Variants in METTL8 observed in about 807,000 individuals in gnomAD.
METTL8 encodes the protein methyltransferase 8, tRNA N3-cytidine, also known as tRNA N(3)-cytidine methyltransferase METTL8, mitochondrial.
In METTL8, 32 loss-of-function variants were observed where a neutral mutation model predicts 48.7. The observed-to-expected ratio is 0.66, with a 90% CI of 0.50 to 0.88. The LOEUF is 0.88. METTL8 is among the 40% of genes least tolerant of loss of function. The pLI is 0.00. For missense variants in METTL8, 464 were observed against 474.4 expected (o/e 0.98, Z 0.20); for synonymous variants, 136 against 157.1 (o/e 0.87, Z 1.01).
intron 1 of METTL8, among the ~76,000 whole-genome samples, chr2:171,405,673 A>C (rs1217427435): frequency 1.3e-5 from 2 of 152,160 alleles, no homozygotes; most frequent in Non-Finnish European, 1.5e-5. Flanking sequence ...CACACACACA[A>C]AGACTGAAGA....
chr2:171,381,613 G>T (rs1171129709), intron 2 of METTL8, among the ~76,000 whole-genome samples: 1 of 151,980 alleles, frequency 6.6e-6, no homozygotes, highest in Non-Finnish European at 1.5e-5. Flanking sequence ...CTTCTCAAAA[G>T]AAGACATTTA....
intron 1 of METTL8, among the ~76,000 whole-genome samples, chr2:171,405,024 G>A (rs1201455751): frequency 1.3e-5 from 2 of 152,172 alleles, no homozygotes; most frequent in African/African-American, 4.8e-5. Flanking sequence ...AAGGTTTCTG[G>A]CTTGCATGGC....
chr2:171,381,262 G>A (rs1231949895), intron 2 of METTL8, among the ~76,000 whole-genome samples: 2 of 152,162 alleles, frequency 1.3e-5, no homozygotes, highest in African/African-American at 4.8e-5. Flanking sequence ...AGCTCAAGGT[G>A]GATTTAAGAC....
chr2:171,337,496 A>T lies in METTL8; in HGVS notation c.613T>A (p.Cys205Ser). The T allele has an allele frequency of 6.2e-7, 1 of 1,605,330 alleles. No homozygotes were observed. The highest frequency in any genetic ancestry group is 8.5e-7 in the Non-Finnish European group (1 of 1,175,742). ...GGAAACACACTATTTCCAGCTCCAC[A>T]ACCAACCTAAAATCAAAAGAACAAG... Reference protein sequence around the residue: ...NATFRILEVGCGAGNSVFPIL... With the variant: ...NATFRILEVGSGAGNSVFPIL... Residue 205 changes from cysteine to serine, a missense_variant, in exon 5 of 10, where the codon TGT (cysteine) becomes AGT (serine). Physicochemically the swap from Cys to Ser is moderately radical, Grantham distance 112. Coordinates refer to ENST00000375258, the MANE Select transcript of METTL8 (RefSeq NM_001321154.2).
intron 5 of METTL8, among the ~76,000 whole-genome samples, chr2:171,333,762 G>A (rs1394701590): frequency 6.6e-6 from 1 of 152,152 alleles, no homozygotes; most frequent in African/African-American, 2.4e-5. Context: ...AGGGGCTTTG[G>A]AACAAGACTG....
Position 171,326,136 on chromosome 2 carries a change from A to G in METTL8, c.873T>C (p.Val291=). 1 of 1,530,078 alleles carries G rather than the reference A, an allele frequency of 6.5e-7. No individual in the cohort carries two copies. The allele number at this position is 1,530,078 out of a possible 1,614,324, so 94.8% of individuals were successfully genotyped here. A position where few individuals can be genotyped will look rare whatever the true frequency, so the allele number is the denominator to read the frequency against. The change falls in exon 8 of 10, where the codon GTT becomes GTC. Residue 291 remains valine, a synonymous_variant. Coordinates refer to ENST00000375258, the MANE Select transcript of METTL8 (RefSeq NM_001321154.2). ...SSIHPDRMQG[V]VNRLSKLLKP... is the part of the protein sequence containing the mutation. ...TCAGTAACTTGGACAGTCGGTTTACAACACCTTGCATCCTTTGGAAACAAA... is the reference window on the plus strand; with the variant it reads ...TCAGTAACTTGGACAGTCGGTTTACGACACCTTGCATCCTTTGGAAACAAA...
At chr2:171,389,161 A>C (rs1018992362) in intron 2 of METTL8, among the ~76,000 whole-genome samples, 8 of 152,198 alleles carry the variant, frequency 5.3e-5, no homozygotes, top group African/African-American at 1.7e-4. Context: ...GATAGGACAA[A>C]ACCTAGGCCT....
At chr2:171,365,955 G>A (rs1333123587) in intron 2 of METTL8, among the ~76,000 whole-genome samples, 2 of 152,220 alleles carry the variant, frequency 1.3e-5, no homozygotes, top group African/African-American at 4.8e-5. Flanking sequence ...CTGAGTGGCA[G>A]TTTCATGAGT....
In METTL8 at chr2:171,360,502, T is replaced by C. The variant is rs765214248; in HGVS notation, c.155A>G (p.Gln52Arg). 5.0e-6 allele frequency: 8 copies of C among 1,613,376 alleles called. 1 individual carries two copies. In the African/African-American group the frequency reaches 8.0e-5, roughly 16 times the overall value. ...VFEHNMWDHMQWSKEEEAAAR... is the reference protein window; with the variant it reads ...VFEHNMWDHMRWSKEEEAAAR... ...TGCTGCTTCTTCTTCCTTAGACCACTGCATGTGATCCCTATTAAAAAAAAA... is the reference window on the plus strand; with the variant it reads ...TGCTGCTTCTTCTTCCTTAGACCACCGCATGTGATCCCTATTAAAAAAAAA... The change falls in exon 3 of 10, where the codon CAG becomes CGG. Residue 52 changes from glutamine (Q) to arginine (R), a missense_variant. Gln to Arg is a conservative substitution (Grantham distance 43). Transcript: ENST00000375258.
At position 171,319,233 on chromosome 2, in the gene METTL8, T is replaced by C. The variant is rs913500429; in HGVS notation, c.*4939A>G. On this transcript the variant is annotated 3_prime_UTR_variant, in exon 10 of 10. Transcript: ENST00000375258. ...TCACATATATTTAATGCTCTAGAAT[T>C]GACAATGCACTTTCACAAGCGGGGA... The C allele has an allele frequency of 7.2e-5, 11 of 152,296 alleles. 1 individual carries two copies. The highest frequency in any genetic ancestry group is 2.4e-4 in the African/African-American group (10 of 41,570). The allele number at this position is 152,296 out of a possible 1,614,324, so 9.4% of individuals were successfully genotyped here. A position where few individuals can be genotyped will look rare whatever the true frequency, so the allele number is the denominator to read the frequency against.
intron 1 of METTL8, among the ~76,000 whole-genome samples, chr2:171,430,806 A>C (rs1208193701): frequency 6.6e-6 from 1 of 151,712 alleles, no homozygotes; most frequent in Non-Finnish European, 1.5e-5. Context: ...CAGATCGAGA[A>C]CCTCTCTTCC....
At position 171,319,760 on chromosome 2, in the gene METTL8, C is replaced by T. The variant is rs1684438841; in HGVS notation, c.*4412G>A. On this transcript the variant is annotated 3_prime_UTR_variant, in exon 10 of 10. Transcript: ENST00000375258. ...GTTATCTTGACTTTCTCACAACCTT[C>T]GGAAACAGTTCCTCATGTGTGAGAA... is the stretch of plus-strand genomic sequence containing the variant. 1 of 152,148 alleles carries T rather than the reference C, an allele frequency of 6.6e-6. No homozygotes were observed. The highest frequency in any genetic ancestry group is 2.4e-5 in the African/African-American group (1 of 41,424). 9.4% of individuals were successfully genotyped at this position (152,148 alleles called of 1,614,324 possible).
chr2:171,394,367 T>C (rs1688859578), intron 1 of METTL8, among the ~76,000 whole-genome samples: 1 of 151,894 alleles, frequency 6.6e-6, no homozygotes, highest in Non-Finnish European at 1.5e-5. Flanking sequence ...GTGATACTTA[T>C]CTATACTCAT....
chr2:171,339,924 CGCGGTGGCTCAT>C (rs1686533764), intron 3 of METTL8, among the ~76,000 whole-genome samples: 1 of 152,156 alleles, frequency 6.6e-6, no homozygotes, highest in Non-Finnish European at 1.5e-5. Context: ...AAGGTCCAGG[CGCGGTGGCTCAT>C]GCCTGTAATC....
chr2:171,361,284 A>G (rs1281416637), intron 2 of METTL8, among the ~76,000 whole-genome samples: 18 of 151,892 alleles, frequency 1.2e-4, no homozygotes, highest in Admixed American at 1.1e-3. Flanking sequence ...TTAGACTATA[A>G]GCAAAGCAAT....
chr2:171,426,380 ATTT>A (rs1692420857), intron 1 of METTL8, among the ~76,000 whole-genome samples: 1 of 152,304 alleles, frequency 6.6e-6, no homozygotes, highest in South Asian at 2.1e-4. Flanking sequence ...ATTTAAAACA[ATTT>A]TTTATTTATC....
chr2:171,363,376 A>G (rs1441721022), intron 2 of METTL8, among the ~76,000 whole-genome samples: 1 of 152,192 alleles, frequency 6.6e-6, no homozygotes, highest in Non-Finnish European at 1.5e-5. Context: ...ACAGCTGACA[A>G]TAAGAATCAT....
intron 6 of METTL8, among the ~76,000 whole-genome samples, chr2:171,331,551 G>A (rs958376067): frequency 2.0e-5 from 3 of 151,788 alleles, no homozygotes; most frequent in African/African-American, 4.8e-5. Context: ...CAAATAGCTG[G>A]AACTACAGGC....
At chr2:171,397,628 T>A (rs1689241137) in intron 1 of METTL8, among the ~76,000 whole-genome samples, 1 of 145,630 alleles carries the variant, frequency 6.9e-6, no homozygotes, top group Admixed American at 6.8e-5. Flanking sequence ...AAAATCAAAG[T>A]CAAAAGTTAG....
Sources: allele counts gnomAD v4.1 joint callset (sites outside exome capture counted in the v4.1 genomes callset), GRCh38; gene constraint gnomAD v4.1.1; transcripts MANE v1.5; gene names NCBI Gene and HGNC (gene_info 2026-07-23, HGNC 2026-07-21).